DIAPH3: variants seen among roughly 807,000 people sequenced by gnomAD.
The protein encoded by DIAPH3 is protein diaphanous homolog 3.
DIAPH3 carries 117 observed loss-of-function variants against 144.3 expected under a neutral mutation model. That is an observed-to-expected ratio of 0.81 (90% confidence interval 0.70 to 0.95). The LOEUF (loss-of-function observed/expected upper bound fraction) is 0.95, where lower values mean the gene tolerates loss of function less well. DIAPH3 is among the 40% of genes least tolerant of loss of function. The pLI is 0.00. For synonymous variants in DIAPH3, 519 were observed against 488.9 expected (o/e 1.06, Z -0.81); for missense variants, 1,421 against 1,412.7 (o/e 1.01, Z -0.09).
At chr13:60,088,177 A>T (rs1490947240) in intron 4 of DIAPH3, among the ~76,000 whole-genome samples, 1 of 151,638 alleles carries the variant, frequency 6.6e-6, no homozygotes, top group African/African-American at 2.4e-5. Flanking sequence ...ACGAAAATTA[A>T]TTGGGGAAAA....
intron 22 of DIAPH3, among the ~76,000 whole-genome samples, chr13:59,853,296 A>G (rs766816728): frequency 2.6e-5 from 4 of 152,202 alleles, no homozygotes; most frequent in Non-Finnish European, 5.9e-5. Flanking sequence ...TGGCCTATCA[A>G]TAAAAAAATT....
chr13:59,952,138 A>T (rs1019636500), intron 17 of DIAPH3, among the ~76,000 whole-genome samples: 2 of 152,190 alleles, frequency 1.3e-5, no homozygotes, highest in African/African-American at 2.4e-5. Context: ...GTAAAGTGAA[A>T]GCCAGATACG....
At chr13:60,049,841 G>A (rs2056255204) in intron 4 of DIAPH3, among the ~76,000 whole-genome samples, 1 of 152,106 alleles carries the variant, frequency 6.6e-6, no homozygotes, top group African/African-American at 2.4e-5. Context: ...GAGTGATAGG[G>A]GAAATAGCTA....
At chr13:59,995,764 T>C (rs1736494803) in intron 9 of DIAPH3, among the ~76,000 whole-genome samples, 1 of 151,926 alleles carries the variant, frequency 6.6e-6, no homozygotes, top group Non-Finnish European at 1.5e-5. Context: ...AAATGCCTAT[T>C]AGTGATCTAA....
At chr13:60,109,335 T>C (rs1455628922) in intron 3 of DIAPH3, among the ~76,000 whole-genome samples, 1 of 152,170 alleles carries the variant, frequency 6.6e-6, no homozygotes, top group East Asian at 1.9e-4. Context: ...TCCGTGGTAA[T>C]TTGTTACGGC....
At position 59,666,357 on chromosome 13, in the gene DIAPH3, C is replaced by CA. The variant is rs11421911; in HGVS notation, c.*226dup. ...TAAAGAACTGAGGAATACCAGGAGA[C>CA]AAAAAAAAAAAAAAAAGGATTAAAG... On this transcript the variant is annotated 3_prime_UTR_variant, in exon 28 of 28. Coordinates refer to ENST00000400324, the MANE Select transcript of DIAPH3 (RefSeq NM_001042517.2). The CA allele has an allele frequency of 0.37, 111,860 of 300,968 alleles. 17,440 individuals carry two copies. Among genetic ancestry groups the CA allele is most frequent in the Admixed American group, 0.47 (8,155 of 17,366 alleles). 18.6% of individuals were successfully genotyped at this position (300,968 alleles called of 1,614,324 possible). A position where few individuals can be genotyped will look rare whatever the true frequency, so the allele number is the denominator to read the frequency against.
chr13:60,002,486 A>C (rs2052581952), intron 9 of DIAPH3, among the ~76,000 whole-genome samples: 1 of 152,224 alleles, frequency 6.6e-6, no homozygotes, highest in Non-Finnish European at 1.5e-5. Context: ...CAAAGCTGAT[A>C]CTCAGCCTAC....
chr13:59,955,000 TAAC>T lies in DIAPH3; in HGVS notation c.2074+14941_2074+14943del, dbSNP rs1309722974. ...ATGGAGACAAACCATATCAAGGTAA[TAAC>T]AAATGAAATAATCCAACGATTACTC... On this transcript the variant is annotated intron_variant, in intron 17 of 27. Transcript: ENST00000400324. 3.3e-5 allele frequency among the ~76,000 whole-genome samples: 5 copies of T among 151,826 alleles called. No homozygotes were observed. In the South Asian group the frequency reaches 1.0e-3, roughly 32 times the overall value.
At chr13:59,763,868 T>A (rs1412557592) in intron 27 of DIAPH3, among the ~76,000 whole-genome samples, 1 of 152,084 alleles carries the variant, frequency 6.6e-6, no homozygotes, top group African/African-American at 2.4e-5. Context: ...TATTTAAGAG[T>A]AAACATTTTG....
At chr13:60,049,168 C>T (rs1258535706) in intron 4 of DIAPH3, among the ~76,000 whole-genome samples, 1 of 152,116 alleles carries the variant, frequency 6.6e-6, no homozygotes, top group Non-Finnish European at 1.5e-5. Context: ...ACAAAAAGTA[C>T]ACAGTGGATG....
At chr13:59,686,512 GA>G (rs147211642) in intron 27 of DIAPH3, among the ~76,000 whole-genome samples, 7,181 of 144,250 alleles carry the variant, frequency 0.05, 232 homozygotes, top group Admixed American at 0.11. Flanking sequence ...GGCTCTTCAG[GA>G]AAAAAAAAAA....
At chr13:60,132,920 C>A in intron 2 of DIAPH3, 37 bp downstream of exon 2, 1 of 1,566,590 alleles carries the variant, frequency 6.4e-7, no homozygotes, top group Non-Finnish European at 8.8e-7. Context: ...TGGTTAGTTA[C>A]AATTCATAAC....
intron 24 of DIAPH3, among the ~76,000 whole-genome samples, chr13:59,820,350 T>G (rs1274098477): frequency 1.3e-5 from 2 of 151,976 alleles, no homozygotes; most frequent in African/African-American, 4.8e-5. Flanking sequence ...GAAGGCAAGA[T>G]GTAGTTCTCA....
chr13:60,070,502 G>A (rs1436197654), intron 4 of DIAPH3, among the ~76,000 whole-genome samples: 2 of 151,970 alleles, frequency 1.3e-5, no homozygotes, highest in Non-Finnish European at 2.9e-5. Context: ...TCAGTTTTTG[G>A]AGAAAACTGT....
chr13:59,849,811 G>C (rs1251446910), intron 22 of DIAPH3, among the ~76,000 whole-genome samples: 1 of 117,188 alleles, frequency 8.5e-6, no homozygotes, highest in African/African-American at 3.2e-5. Flanking sequence ...GCTCTTTTTT[G>C]GTTCCATATG....
chr13:59,795,619 AT>A (rs1265094330), intron 25 of DIAPH3, among the ~76,000 whole-genome samples: 2 of 150,468 alleles, frequency 1.3e-5, no homozygotes, highest in Admixed American at 6.6e-5. Context: ...ATTCCAGGCT[AT>A]TTTTTTTTAT....
chr13:60,083,365 T>C lies in DIAPH3; in HGVS notation c.495+10263A>G, dbSNP rs947343483. On this transcript the variant is annotated intron_variant, in intron 4 of 27. Transcript: ENST00000400324. ...GGCTAACCAAACAGTATTTGAGAGATGTCTCTTTGTAAAAGTATCCCAATA... is the reference window on the plus strand; with the variant it reads ...GGCTAACCAAACAGTATTTGAGAGACGTCTCTTTGTAAAAGTATCCCAATA... Among the ~76,000 whole-genome samples, 2 of 152,074 alleles carry C rather than the reference T, an allele frequency of 1.3e-5. 1 individual carries two copies. The highest frequency in any genetic ancestry group is 2.9e-5 in the Non-Finnish European group (2 of 67,996).
Position 60,079,658 on chromosome 13 carries a change from A to T in DIAPH3, c.495+13970T>A, listed in dbSNP as rs191355128. Among the ~76,000 whole-genome samples the T allele has an allele frequency of 7.5e-3, 1,132 of 151,918 alleles. 55 individuals carry two copies. Among genetic ancestry groups the T allele is most frequent in the Admixed American group, 0.069 (1,051 of 15,222 alleles). On this transcript the variant is annotated intron_variant, in intron 4 of 27. Coordinates refer to ENST00000400324, the MANE Select transcript of DIAPH3 (RefSeq NM_001042517.2). Reference sequence around the variant, plus strand: ...AGATGATGTCTTATGGGCATGTCTTATGTGGGAAAAAAAAAGTAAGAGCCA... The same window carrying T: ...AGATGATGTCTTATGGGCATGTCTTTTGTGGGAAAAAAAAAGTAAGAGCCA...
chr13:59,774,607 T>C (rs2038296921), intron 26 of DIAPH3, 121 bp downstream of exon 26: 2 of 940,138 alleles, frequency 2.1e-6, no homozygotes, highest in African/African-American at 1.6e-5. Flanking sequence ...ATGAAACTTC[T>C]GAACAGTTGT....
Sources: gnomAD v4.1 joint callset for allele counts (sites outside exome capture counted in the v4.1 genomes callset) on GRCh38, gnomAD v4.1.1 for gene constraint, MANE v1.5 for transcripts, NCBI Gene and HGNC (gene_info 2026-07-23, HGNC 2026-07-21) for gene names.